Variants in ARSG observed in about 807,000 individuals in gnomAD.
The protein encoded by ARSG is arylsulfatase G, also known as ASG.
Under a neutral mutation model 50.5 loss-of-function variants are expected in ARSG, and 37 were observed. That is an observed-to-expected ratio of 0.73 (90% CI 0.56 to 0.96). The LOEUF (loss-of-function observed/expected upper bound fraction) is 0.96. Among genes scored for constraint, ARSG ranks in the 50% least tolerant of loss-of-function variants. ARSG has a pLI of 0.00. For missense variants in ARSG, 629 were observed against 675.3 expected (o/e 0.93, Z 0.76); for synonymous variants, 225 against 254.6 (o/e 0.88, Z 1.11).
chr17:68,329,556 GCA>G (rs1195656630), intron 2 of ARSG, among the ~76,000 whole-genome samples: 2 of 152,174 alleles, frequency 1.3e-5, no homozygotes, highest in African/African-American at 4.8e-5. Context: ...GCTGAGATGA[GCA>G]CAGTCTAAGA....
At chr17:68,380,020 C>A in intron 8 of ARSG, 1 of 266,468 alleles carries the variant, frequency 3.8e-6, no homozygotes, top group Non-Finnish European at 5.8e-6. Flanking sequence ...TTTCTTCTGC[C>A]ACTGCCACCC....
At chr17:68,431,103 G>A in the ARSG span, among the ~76,000 whole-genome samples, 1,787 of 152,186 alleles carry the variant, frequency 0.012, 9 homozygotes, top group Middle Eastern at 0.024. Flanking sequence ...TCCGGGCTGG[G>A]GTTTACAAAG....
Position 68,339,381 on chromosome 17 carries a change from T to C in ARSG, c.219-4223T>C, listed in dbSNP as rs189826602. Among the ~76,000 whole-genome samples, 12 of 152,306 alleles carry C rather than the reference T, an allele frequency of 7.9e-5. No homozygotes were observed. In the South Asian group the frequency reaches 1.5e-3, roughly 18 times the overall value. On this transcript the variant is annotated intron_variant, in intron 2 of 11. Transcript: ENST00000621439. ...CTTCCATATGCCTATAATACTGTTA[T>C]TATACTCAGAAAATGAACAAAAATT...
chr17:68,329,527 C>T (rs1233873417), intron 2 of ARSG, among the ~76,000 whole-genome samples: 35 of 152,254 alleles, frequency 2.3e-4, no homozygotes, highest in Non-Finnish European at 1.5e-5. Flanking sequence ...TGCCCCAGGC[C>T]CCACTGGCTG....
the ARSG span, among the ~76,000 whole-genome samples, chr17:68,430,705 T>C: frequency 6.6e-6 from 1 of 152,208 alleles, no homozygotes; most frequent in African/African-American, 2.4e-5. Context: ...GGACCTGGGA[T>C]GTCGCCTACA....
intron 2 of ARSG, among the ~76,000 whole-genome samples, chr17:68,321,643 C>T (rs568587727): frequency 5.3e-5 from 8 of 152,250 alleles, no homozygotes; most frequent in South Asian, 2.1e-4. Context: ...TATGTCTCTC[C>T]GGGGCTTTTG....
chr17:68,320,897 T>A (rs2077257757), intron 2 of ARSG, among the ~76,000 whole-genome samples: 1 of 152,108 alleles, frequency 6.6e-6, no homozygotes, highest in Non-Finnish European at 1.5e-5. Flanking sequence ...GTATACCTTG[T>A]GTGTGTGCTT....
intron 2 of ARSG, among the ~76,000 whole-genome samples, chr17:68,331,983 T>G (rs933701217): frequency 6.6e-6 from 1 of 152,206 alleles, no homozygotes; most frequent in Non-Finnish European, 1.5e-5. Flanking sequence ...TAATGAAGTT[T>G]CCGACATGCA....
At chr17:68,297,335 G>A (rs2076243363) in intron 1 of ARSG, among the ~76,000 whole-genome samples, 1 of 152,238 alleles carries the variant, frequency 6.6e-6, no homozygotes. Flanking sequence ...AGTCTGCTTG[G>A]CTGAAGGGAC....
In ARSG at chr17:68,324,070, CAAAAAA is replaced by C. The variant is rs57040262; in HGVS notation, c.218+16375_218+16380del. 1.8e-4 allele frequency among the ~76,000 whole-genome samples: 16 copies of C among 89,824 alleles called. No individual in the cohort carries two copies. In the East Asian group the frequency reaches 5.0e-3, roughly 28 times the overall value. The allele number at this position is 89,824 out of a possible 152,430, so 58.9% of individuals were successfully genotyped here. A position where few individuals can be genotyped will look rare whatever the true frequency, so the allele number is the denominator to read the frequency against. ...CCTGGTTAACAGAGCAAAACTCCAT[CAAAAAA>C]AAAAAAAAAAAAAAAGTTAATCTAC... On this transcript the variant is annotated intron_variant, in intron 2 of 11. Transcript: ENST00000621439.
intron 11 of ARSG, among the ~76,000 whole-genome samples, chr17:68,401,912 T>C (rs2081489098): frequency 6.6e-6 from 1 of 152,210 alleles, no homozygotes. Context: ...AGATGTATAC[T>C]TTAGAAATGT....
intron 6 of ARSG, among the ~76,000 whole-genome samples, chr17:68,362,761 T>G (rs2079355583): frequency 6.6e-6 from 1 of 152,214 alleles, no homozygotes; most frequent in South Asian, 2.1e-4. Context: ...TTTTGGATTT[T>G]CAGATTTGGG....
chr17:68,318,143 C>T (rs1555769286), intron 2 of ARSG, among the ~76,000 whole-genome samples: 3 of 151,768 alleles, frequency 2.0e-5, no homozygotes, highest in South Asian at 2.1e-4. Context: ...ATGAAAGCAA[C>T]TTGCATTACA....
At chr17:68,433,395 T>G in the ARSG span, 2 of 1,316,604 alleles carry the variant, frequency 1.5e-6, no homozygotes, top group Non-Finnish European at 2.2e-6. Flanking sequence ...AAAGAGATCA[T>G]TCATGCCAGT....
At chr17:68,436,694 C>A in the ARSG span, among the ~76,000 whole-genome samples, 1 of 152,182 alleles carries the variant, frequency 6.6e-6, no homozygotes, top group Non-Finnish European at 1.5e-5. Flanking sequence ...ACACTGGCTG[C>A]GTCCTTGCTA....
downstream of ARSG, chr17:68,426,254 G>GGGGGGCCCCCCC: frequency 1.2e-6 from 1 of 816,920 alleles, no homozygotes; most frequent in Non-Finnish European, 1.9e-6. Context: ...GGGAGCGGGG[G>GGGGGGCCCCCCC]CTCAAATAAA....
intron 2 of ARSG, among the ~76,000 whole-genome samples, chr17:68,334,303 C>G (rs1294448821): frequency 6.6e-6 from 1 of 152,124 alleles, no homozygotes; most frequent in Non-Finnish European, 1.5e-5. Context: ...GGGAATGAAC[C>G]CATCTTCTGG....
chr17:68,396,508 G>T (rs2081256090), intron 10 of ARSG, among the ~76,000 whole-genome samples: 1 of 152,174 alleles, frequency 6.6e-6, no homozygotes, highest in African/African-American at 2.4e-5. Flanking sequence ...GAGGAAGCAG[G>T]AGGAGGCAAG....
chr17:68,437,287 GC>G, the ARSG span, among the ~76,000 whole-genome samples: 3 of 152,090 alleles, frequency 2.0e-5, no homozygotes, highest in African/African-American at 7.2e-5. Flanking sequence ...AGGCAAGGTG[GC>G]CCACACCTGT....
Sources: allele counts gnomAD v4.1 joint callset (sites outside exome capture counted in the v4.1 genomes callset), GRCh38; gene constraint gnomAD v4.1.1; transcripts MANE v1.5; gene names NCBI Gene and HGNC (gene_info 2026-07-23, HGNC 2026-07-21).